Variants in GAREM1 observed in about 807,000 individuals in gnomAD.
GAREM1 encodes the protein GRB2-associated and regulator of MAPK protein 1.
A neutral mutation model predicts 71.3 loss-of-function variants in GAREM1; 26 were observed. The observed-to-expected ratio is 0.36, with a 90% confidence interval of 0.27 to 0.51. The LOEUF is 0.51. Among genes scored for constraint, GAREM1 ranks in the 20% least tolerant of loss-of-function variants. GAREM1 has a pLI of 0.95. For synonymous variants in GAREM1, 440 were observed against 433.2 expected (o/e 1.02, Z -0.20); for missense variants, 1,026 against 1,103.1 (o/e 0.93, Z 0.99).
chr18:32,352,853 C>A (rs1306120827), intron 2 of GAREM1, among the ~76,000 whole-genome samples: 1 of 152,082 alleles, frequency 6.6e-6, no homozygotes, highest in Admixed American at 6.5e-5. Context: ...GAGGAAACTC[C>A]CCAGCTGTGG....
chr18:32,432,301 T>C (rs961421247), intron 1 of GAREM1, among the ~76,000 whole-genome samples: 1 of 152,224 alleles, frequency 6.6e-6, no homozygotes, highest in East Asian at 1.9e-4. Flanking sequence ...ATTAAATGCT[T>C]ACATTATAAA....
intron 2 of GAREM1, among the ~76,000 whole-genome samples, chr18:32,353,828 A>T: frequency 6.6e-6 from 1 of 152,172 alleles, no homozygotes; most frequent in Non-Finnish European, 1.5e-5. Context: ...AAATCTGGGG[A>T]AGACTTAATA....
intron 1 of GAREM1, among the ~76,000 whole-genome samples, chr18:32,468,960 T>TCCCCCCCCCCCCCCCCCCCCCCCCCC (rs34977174): frequency 1.1e-4 from 9 of 82,164 alleles, no homozygotes; most frequent in Non-Finnish European, 1.7e-4. Flanking sequence ...CACCTGTGCG[T>TCCCCCCCCCCCCCCCCCCCCCCCCCC]CCCCCCCCCC....
intron 2 of GAREM1, among the ~76,000 whole-genome samples, chr18:32,320,002 C>T (rs1256225644): frequency 2.0e-5 from 3 of 152,128 alleles, no homozygotes; most frequent in Non-Finnish European, 4.4e-5. Context: ...GTACTTAGTC[C>T]AAGTACATTG....
chr18:32,397,249 G>A (rs111972357), intron 1 of GAREM1, among the ~76,000 whole-genome samples: 13,256 of 152,022 alleles, frequency 0.087, 640 homozygotes, highest in African/African-American at 0.13. Context: ...ATCAACTAAC[G>A]AGCAAAATAA....
intron 2 of GAREM1, among the ~76,000 whole-genome samples, chr18:32,364,855 G>A (rs867074072): frequency 6.6e-6 from 1 of 150,694 alleles, no homozygotes; most frequent in African/African-American, 2.5e-5. Context: ...TACCATGTGC[G>A]AGGCACATAT....
In GAREM1 at chr18:32,470,337, C is replaced by A; in HGVS notation, c.92G>T (p.Arg31Leu). 6.4e-7 allele frequency: 1 copy of A among 1,565,272 alleles called. No individual in the cohort carries two copies. Among genetic ancestry groups the A allele is most frequent in the Non-Finnish European group, 8.6e-7 (1 of 1,158,156 alleles). The change falls in exon 1 of 6, where the codon CGG becomes CTG. Residue 31 changes from arginine (R) to leucine (L), a missense_variant. This residue lies in a region of GAREM1 where 172 missense variants were observed against 175.2 expected (regional missense o/e 0.98). Transcript: ENST00000269209. This position sits in a 1 kb window ranked among gnomAD's most constrained non-coding sequence, Gnocchi z 4.4. ...GTCCAGGCGCGCGATCTGGGGCAGC[C>A]GGTAAGTGCTGACCAGGAGGTCGAG... Reference protein sequence around the residue: ...VPLDLLVSTYRLPQIARLDNG... With the variant: ...VPLDLLVSTYLLPQIARLDNG...
intron 2 of GAREM1, among the ~76,000 whole-genome samples, chr18:32,356,806 G>A (rs945442379): frequency 2.6e-5 from 4 of 152,174 alleles, no homozygotes; most frequent in African/African-American, 9.7e-5. Flanking sequence ...CCTTCAGTAA[G>A]TGTGAAAACT....
chr18:32,298,403 C>CT (rs896221504), intron 3 of GAREM1, among the ~76,000 whole-genome samples: 54 of 148,036 alleles, frequency 3.6e-4, no homozygotes, highest in African/African-American at 1.2e-3. Flanking sequence ...AATTTTTTTC[C>CT]TTTTTTTTTT....
chr18:32,424,048 AT>A (rs1224334578), intron 1 of GAREM1, among the ~76,000 whole-genome samples: 1 of 152,028 alleles, frequency 6.6e-6, no homozygotes, highest in Admixed American at 6.6e-5. Flanking sequence ...GGGTGAGAGG[AT>A]CACTTGAGCC....
At chr18:32,298,630 C>T (rs746609088) in intron 3 of GAREM1, among the ~76,000 whole-genome samples, 2 of 152,122 alleles carry the variant, frequency 1.3e-5, no homozygotes, top group Non-Finnish European at 1.5e-5. Context: ...GAAACACTGA[C>T]GTAAAATTTT....
At chr18:32,345,646 T>G (rs1012591825) in intron 2 of GAREM1, among the ~76,000 whole-genome samples, 1 of 152,172 alleles carries the variant, frequency 6.6e-6, no homozygotes, top group Non-Finnish European at 1.5e-5. Flanking sequence ...AACAAGCAAA[T>G]GCTTATTTGA....
chr18:32,425,449 A>G (rs2048565394), intron 1 of GAREM1, among the ~76,000 whole-genome samples: 1 of 152,224 alleles, frequency 6.6e-6, no homozygotes. Flanking sequence ...CTAATTGATC[A>G]GTTCCTGGAA....
intron 1 of GAREM1, among the ~76,000 whole-genome samples, chr18:32,442,808 A>C (rs1469942827): frequency 2.0e-5 from 3 of 152,170 alleles, no homozygotes; most frequent in Admixed American, 2.0e-4. Context: ...CAGAAAATGA[A>C]GATATTGTTC....
chr18:32,375,380 C>G (rs2048022086), intron 2 of GAREM1, among the ~76,000 whole-genome samples: 1 of 152,184 alleles, frequency 6.6e-6, no homozygotes, highest in African/African-American at 2.4e-5. Context: ...ATACTGACTT[C>G]ATATGGCCAT....
rs187559512 is a variant in GAREM1 at position 32,429,245 on chromosome 18, T to C, written c.122-36210A>G. 3.5e-3 allele frequency among the ~76,000 whole-genome samples: 532 copies of C among 152,354 alleles called. 4 individuals carry two copies. The highest frequency in any genetic ancestry group is 0.012 in the African/African-American group (509 of 41,592). ...CTTAAAACTATATGTCATTCTACAC[T>C]ATTAGGTTTTTATTTCTCCTACATT... On this transcript the variant is annotated intron_variant, in intron 1 of 5. Coordinates refer to ENST00000269209, the MANE Select transcript of GAREM1 (RefSeq NM_001242409.2).
At chr18:32,394,249 A>G (rs1030509587) in intron 1 of GAREM1, among the ~76,000 whole-genome samples, 2 of 152,144 alleles carry the variant, frequency 1.3e-5, no homozygotes, top group African/African-American at 4.8e-5. Flanking sequence ...AAAAAATACA[A>G]AAATTTGTCG....
At chr18:32,442,571 C>G (rs1455099137) in intron 1 of GAREM1, among the ~76,000 whole-genome samples, 1 of 152,052 alleles carries the variant, frequency 6.6e-6, no homozygotes, top group Non-Finnish European at 1.5e-5. Context: ...TATAATAAAA[C>G]TTTATAGCAT....
intron 2 of GAREM1, among the ~76,000 whole-genome samples, chr18:32,351,155 G>A (rs566289096): frequency 6.6e-6 from 1 of 152,146 alleles, no homozygotes; most frequent in South Asian, 2.1e-4. Context: ...CTATTTTGAT[G>A]GAATTAGGAA....
Sources: allele counts gnomAD v4.1 joint callset (sites outside exome capture counted in the v4.1 genomes callset), GRCh38; gene constraint gnomAD v4.1.1; regional missense constraint gnomAD v4.1.1; non-coding constraint Gnocchi (gnomAD v3.1); transcripts MANE v1.5; gene names NCBI Gene and HGNC (gene_info 2026-07-23, HGNC 2026-07-21).